Variants in CBX1 observed in about 807,000 individuals in gnomAD.
CBX1 encodes the protein chromobox 1, also known as chromobox protein homolog 1.
Under a neutral mutation model 25.1 loss-of-function variants are expected in CBX1, and 10 were observed. The observed-to-expected ratio is 0.40, with a 90% CI of 0.25 to 0.68. The LOEUF (loss-of-function observed/expected upper bound fraction) is 0.68, where lower values mean the gene tolerates loss of function less well. Ranked by LOEUF, CBX1 falls within the 30% of genes least tolerant of loss-of-function variation. The pLI is 0.40. For missense variants in CBX1, 106 were observed against 218.5 expected, an observed-to-expected ratio of 0.49 and a Z score of 3.25; for synonymous variants, 63 against 79.4, an observed-to-expected ratio of 0.79 and a Z score of 1.10.
intron 4 of CBX1, among the ~76,000 whole-genome samples, chr17:48,074,233 T>G (rs1292686113): frequency 6.6e-6 from 1 of 152,184 alleles, no homozygotes; most frequent in Non-Finnish European, 1.5e-5. Flanking sequence ...TGTGTGTGTG[T>G]GTGTGTTTTA....
At chr17:48,077,096 T>C in intron 1 of CBX1, 55 bp from the exon 2 acceptor site, 1 of 1,395,864 alleles carries the variant, frequency 7.2e-7, no homozygotes, top group South Asian at 1.4e-5. Context: ...ATTGGTTAGA[T>C]AATATCTGGA....
chr17:48,098,127 T>G (rs1455397980), intron 1 of CBX1, among the ~76,000 whole-genome samples: 1 of 152,106 alleles, frequency 6.6e-6, no homozygotes, highest in Non-Finnish European at 1.5e-5. Context: ...GGCATGAGAC[T>G]GTAGTCCTAG....
chr17:48,080,834 T>C (rs1321984157), intron 1 of CBX1, among the ~76,000 whole-genome samples: 1 of 142,394 alleles, frequency 7.0e-6, no homozygotes, highest in Non-Finnish European at 1.5e-5. Context: ...GGCAGGAGAA[T>C]TGCTTGAACC....
intron 1 of CBX1, among the ~76,000 whole-genome samples, chr17:48,077,433 G>GTTTTTTTTTTGTT (rs2037686014): frequency 1.6e-5 from 2 of 128,836 alleles, no homozygotes; most frequent in Admixed American, 7.9e-5. Flanking sequence ...AATTTTTGTT[G>GTTTTTTTTTTGTT]TTTTTTTTTT....
chr17:48,084,861 GA>G (rs2063303065), intron 1 of CBX1, among the ~76,000 whole-genome samples: 1 of 150,860 alleles, frequency 6.6e-6, no homozygotes, highest in Admixed American at 6.6e-5. Context: ...AGTGAGCCGA[GA>G]TCGCGCCACT....
At chr17:48,076,668 C>T (rs2037677772) in intron 2 of CBX1, among the ~76,000 whole-genome samples, 197 bp downstream of exon 2, 1 of 151,820 alleles carries the variant, frequency 6.6e-6, no homozygotes. Context: ...GAGACCTCGT[C>T]TCAAAAGAAA....
At position 48,077,456 on chromosome 17, in the gene CBX1, T is replaced by TG. The variant is rs1486533619; in HGVS notation, c.-37-416_-37-415insC. Among the ~76,000 whole-genome samples the TG allele has an allele frequency of 5.8e-4, 81 of 140,462 alleles. 2 individuals are homozygous for TG. Among genetic ancestry groups the TG allele is most frequent in the African/African-American group, 2.1e-3 (81 of 38,508 alleles). The allele number at this position is 140,462 out of a possible 152,430, so 92.1% of individuals were successfully genotyped here. ...TTGTTTTTTTTTTTGTTTTTTTTGT[T>TG]TTTTTTTTTTTAGTAGAGACGGGAT... On this transcript the variant is annotated intron_variant, in intron 1 of 4. Coordinates refer to ENST00000225603, the MANE Select transcript of CBX1 (RefSeq NM_001127228.2).
At chr17:48,096,734 C>T (rs2063377301) in intron 1 of CBX1, among the ~76,000 whole-genome samples, 1 of 151,872 alleles carries the variant, frequency 6.6e-6, no homozygotes, top group Non-Finnish European at 1.5e-5. Context: ...GAGTGGAGTG[C>T]ACCACTGCAC....
intron 2 of CBX1, among the ~76,000 whole-genome samples, chr17:48,076,467 G>A (rs1200110855): frequency 6.6e-6 from 1 of 152,166 alleles, no homozygotes; most frequent in East Asian, 1.9e-4. Context: ...CACTTTGGGA[G>A]GCCCAGGTGG....
intron 1 of CBX1, among the ~76,000 whole-genome samples, chr17:48,093,752 G>C (rs1259887086): frequency 1.3e-5 from 2 of 152,166 alleles, no homozygotes; most frequent in African/African-American, 4.8e-5. Flanking sequence ...TCCTGTCAAA[G>C]ACTATAACCT....
At chr17:48,097,340 C>T (rs1405265933) in intron 1 of CBX1, among the ~76,000 whole-genome samples, 6 of 151,838 alleles carry the variant, frequency 4.0e-5, no homozygotes, top group African/African-American at 7.3e-5. Context: ...ATAGGCTGGG[C>T]GCAGTGGCTC....
At chr17:48,100,672 C>CA (rs1273388486) in intron 1 of CBX1, 35 of 955,208 alleles carry the variant, frequency 3.7e-5, no homozygotes, top group Non-Finnish European at 4.4e-5. Flanking sequence ...CTTCCAGAGT[C>CA]AGGCCCAGCA....
At chr17:48,092,118 G>A (rs533168495) in intron 1 of CBX1, among the ~76,000 whole-genome samples, 10 of 143,654 alleles carry the variant, frequency 7.0e-5, no homozygotes, top group Non-Finnish European at 1.4e-4. Flanking sequence ...AACCTCCCGA[G>A]TGGCTGGGAT....
intron 1 of CBX1, among the ~76,000 whole-genome samples, chr17:48,086,742 A>C (rs1480776730): frequency 6.6e-6 from 1 of 152,118 alleles, no homozygotes; most frequent in African/African-American, 2.4e-5. Context: ...CTGTAATCAC[A>C]GCTACTTGGG....
rs2037688730 is a variant in CBX1 at position 48,077,459 on chromosome 17, T to TG, written c.-37-419_-37-418insC. Among the ~76,000 whole-genome samples, 5 of 148,120 alleles carry TG rather than the reference T, an allele frequency of 3.4e-5. 1 individual carries two copies. The highest frequency in any genetic ancestry group is 1.3e-4 in the African/African-American group (5 of 39,596). ...TTTTTTTTTTTGTTTTTTTTGTTTT[T>TG]TTTTTTTTAGTAGAGACGGGATTTC... On this transcript the variant is annotated intron_variant, in intron 1 of 4. Transcript: ENST00000225603.
intron 1 of CBX1, among the ~76,000 whole-genome samples, chr17:48,094,427 C>G (rs1047485130): frequency 6.6e-6 from 1 of 151,066 alleles, no homozygotes; most frequent in African/African-American, 2.4e-5. Flanking sequence ...GGACAAGACT[C>G]TGTCTCCAAA....
Position 48,071,452 on chromosome 17 carries a change from T to A in CBX1, c.541A>T (p.Lys181Ter). ...HSYPSEDDDKKDDKN is the reference protein window; with the variant it reads ...HSYPSEDDDK ...CAGGAGCGTTAGTTCTTGTCATCTT[T>A]TTTGTCATCATCCTCCGAGGGGTAG... The change falls in exon 5 of 5, where the codon AAA becomes TAA. Residue 181 changes from lysine (K) to a stop codon, truncating the protein, a stop_gained. Transcript: ENST00000225603. LOFTEE classifies it high-confidence loss of function. The A allele has an allele frequency of 6.2e-7, 1 of 1,611,382 alleles. No individual in the cohort carries two copies. The highest frequency in any genetic ancestry group is 8.5e-7 in the Non-Finnish European group (1 of 1,179,134).
chr17:48,075,976 T>C (rs1463148364), intron 3 of CBX1, 25 bp downstream of exon 3: 8 of 1,519,654 alleles, frequency 5.3e-6, no homozygotes, highest in Non-Finnish European at 7.2e-6. Context: ...TGTGGGCTAG[T>C]AAAAATTCTT....
At chr17:48,093,877 T>C (rs1043768011) in intron 1 of CBX1, among the ~76,000 whole-genome samples, 9 of 151,910 alleles carry the variant, frequency 5.9e-5, no homozygotes, top group African/African-American at 2.2e-4. Context: ...CCCAGCACTA[T>C]GGGAGGCTGA....
Sources: gnomAD v4.1 joint callset for allele counts (sites outside exome capture counted in the v4.1 genomes callset) on GRCh38, gnomAD v4.1.1 for gene constraint, MANE v1.5 for transcripts, NCBI Gene and HGNC (gene_info 2026-07-23, HGNC 2026-07-21) for gene names.